Variants in ZNF418 observed in about 807,000 individuals in gnomAD.
ZNF418 encodes the protein zinc finger protein 418.
ZNF418 carries 32 observed loss-of-function variants against 32.0 expected under a neutral mutation model. The observed-to-expected ratio is 1.00, with a 90% CI of 0.75 to 1.34. The LOEUF (loss-of-function observed/expected upper bound fraction) is 1.34. Ranked by LOEUF, ZNF418 falls within the 40% of genes most tolerant of loss-of-function variation. The probability of loss-of-function intolerance (pLI) is 0.00; values close to 1 mark genes in which losing one functional copy is unlikely to be tolerated. For missense variants in ZNF418, 804 were observed against 812.5 expected (o/e 0.99, Z 0.13); for synonymous variants, 276 against 270.7 (o/e 1.02, Z -0.19).
intron 1 of ZNF418, chr19:57,934,235 C>CT: frequency 9.6e-7 from 1 of 1,044,050 alleles, no homozygotes; most frequent in African/African-American, 1.7e-5. Flanking sequence ...CTGTGGGTTC[C>CT]TTTTTTTGAG....
At position 57,935,232 on chromosome 19, in the gene ZNF418, C is replaced by T; in HGVS notation, c.-152G>A. On this transcript the variant is annotated 5_prime_UTR_variant, in exon 1 of 6. Coordinates refer to ENST00000396147, the MANE Select transcript of ZNF418 (RefSeq NM_133460.3). ...GGAAAGCACTGCCGGGAGCGGCGGG[C>T]GCCGTTACGGGGCCTAAGATCTGCC... 2 of 1,224,440 alleles carry T rather than the reference C, an allele frequency of 1.6e-6. No homozygotes were observed. Among genetic ancestry groups the T allele is most frequent in the Non-Finnish European group, 2.1e-6 (2 of 967,458 alleles). The allele number at this position is 1,224,440 out of a possible 1,614,324, so 75.8% of individuals were successfully genotyped here. A position where few individuals can be genotyped will look rare whatever the true frequency, so the allele number is the denominator to read the frequency against.
intron 2 of ZNF418, among the ~76,000 whole-genome samples, chr19:57,931,797 A>G (rs1429059626): frequency 6.6e-6 from 1 of 152,006 alleles, no homozygotes; most frequent in Non-Finnish European, 1.5e-5. Flanking sequence ...GCTGATCTCA[A>G]ACTCCTGGCC....
chr19:57,924,110 C>T (rs2072116763), intron 4 of ZNF418, among the ~76,000 whole-genome samples: 1 of 150,854 alleles, frequency 6.6e-6, no homozygotes, highest in African/African-American at 2.4e-5. Context: ...CACTGTACTC[C>T]AGCCTGGGTC....
rs540460181 is a variant in ZNF418, at chr19:57,928,060, A to T, written c.134-13T>A. ...CCACACCAACAACCTGAAAGCAAGA[A>T]AATGCTGATGAATTCAAGTTAACTC... On this transcript the variant is annotated splice_polypyrimidine_tract_variant and intron_variant, in intron 3 of 5. Coordinates refer to ENST00000396147, the MANE Select transcript of ZNF418 (RefSeq NM_133460.3). 2.0e-6 allele frequency: 3 copies of T among 1,519,546 alleles called. 1 individual carries two copies. In the African/African-American group the frequency reaches 4.2e-5, roughly 21 times the overall value. 94.1% of individuals were successfully genotyped at this position (1,519,546 alleles called of 1,614,324 possible). A position where few individuals can be genotyped will look rare whatever the true frequency, so the allele number is the denominator to read the frequency against.
chr19:57,925,505 A>G (rs964482267), intron 4 of ZNF418, 118 bp downstream of exon 4: 12 of 152,486 alleles, frequency 7.9e-5, no homozygotes, highest in African/African-American at 2.7e-4. Flanking sequence ...AGGTCCCTGA[A>G]AAAGGTAGTC....
In ZNF418 at chr19:57,927,319, A is replaced by G. The variant is rs372254856; in HGVS notation, c.862T>C (p.Cys288Arg). The change falls in exon 4 of 6, where the codon TGT (cysteine) becomes CGT (arginine). Residue 288 changes from cysteine to arginine, a missense_variant. Around this residue, in one of 3 missense-constraint regions of ZNF418, gnomAD observed 22 missense variants for 49.0 expected, o/e 0.45. Coordinates refer to ENST00000396147, the MANE Select transcript of ZNF418 (RefSeq NM_133460.3). The stretch of plus-strand genomic sequence containing the variant: ...CTAAAAGATTTCCCACATTCTCCAC[A>G]TTCATAAGGTCTTTTCCCAGTGTGA... Reference protein sequence around the residue: ...RVHTGKRPYECGECGKSFSHK... With the variant: ...RVHTGKRPYERGECGKSFSHK... The G allele has an allele frequency of 1.9e-6, 3 of 1,614,006 alleles. No individual in the cohort carries two copies. The highest frequency in any genetic ancestry group is 1.3e-5 in the African/African-American group (1 of 74,992).
rs760545199 is a variant in ZNF418, at chr19:57,930,457, A to G, written c.104T>C (p.Leu35Pro). The change falls in exon 3 of 6, where the codon CTG becomes CCG. Residue 35 changes from leucine (L) to proline (P), a missense_variant. By Grantham distance (98) the Leu-to-Pro change is moderately conservative. Around this residue, in one of 3 missense-constraint regions of ZNF418, gnomAD observed 307 missense variants for 304.9 expected, o/e 1.01. Coordinates refer to ENST00000396147, the MANE Select transcript of ZNF418 (RefSeq NM_133460.3). ...GGAGGATATAAGTACCCAGTTCTCC[A>G]GCATCACGTCATGGTAAAGGCATCT... Reference protein sequence around the residue: ...VQRCLYHDVMLENWVLISSLG... With the variant: ...VQRCLYHDVMPENWVLISSLG... 1 of 1,614,202 alleles carries G rather than the reference A, an allele frequency of 6.2e-7. No individual in the cohort carries two copies. Among genetic ancestry groups the G allele is most frequent in the Non-Finnish European group, 8.5e-7 (1 of 1,180,024 alleles).
chr19:57,931,160 A>G (rs972692471), intron 2 of ZNF418, among the ~76,000 whole-genome samples: 2 of 152,166 alleles, frequency 1.3e-5, no homozygotes, highest in African/African-American at 2.4e-5. Context: ...AGCCCAGTGC[A>G]GTTGCCTGGG....
At position 57,925,393 on chromosome 19, in the gene ZNF418, G is replaced by A. The variant is rs1011548132; in HGVS notation, c.*527+230C>T. Among the ~76,000 whole-genome samples, 3 of 151,798 alleles carry A rather than the reference G, an allele frequency of 2.0e-5. No individual in the cohort carries two copies. The East Asian group carries it at 5.8e-4, about 29-fold the overall frequency. On this transcript the variant is annotated intron_variant, in intron 4 of 5. Coordinates refer to ENST00000396147, the MANE Select transcript of ZNF418 (RefSeq NM_133460.3). The stretch of plus-strand genomic sequence containing the variant: ...GGAGAATGGCGTGAACCCGGGAGGC[G>A]GAGCTTGCAGTGAGCTGAGATCACG...
At chr19:57,930,592 C>T (rs913285497) in intron 2 of ZNF418, 38 bp from the exon 3 acceptor site, 3 of 1,612,916 alleles carry the variant, frequency 1.9e-6, no homozygotes, top group Non-Finnish European at 2.5e-6. Context: ...CAAACAGCTC[C>T]TATGCTGAGG....
intron 1 of ZNF418, chr19:57,934,824 T>C (rs929302247): frequency 2.6e-5 from 8 of 312,818 alleles, no homozygotes; most frequent in Middle Eastern, 9.8e-4. Flanking sequence ...TCTTCGAAAC[T>C]CTCCATGGCT....
At chr19:57,928,528 T>C (rs2072343354) in intron 3 of ZNF418, among the ~76,000 whole-genome samples, 1 of 152,058 alleles carries the variant, frequency 6.6e-6, no homozygotes, top group Non-Finnish European at 1.5e-5. Flanking sequence ...CCTCCCAAAG[T>C]GCTGGGATTA....
intron 2 of ZNF418, chr19:57,932,485 CCTT>C (rs2072525157): frequency 6.5e-7 from 1 of 1,535,378 alleles, no homozygotes. Context: ...TCTATGAAGG[CCTT>C]CTTGCATGGC....
At chr19:57,932,189 C>CA (rs1446328819) in intron 2 of ZNF418, among the ~76,000 whole-genome samples, 4 of 152,182 alleles carry the variant, frequency 2.6e-5, no homozygotes, top group Admixed American at 6.5e-5. Flanking sequence ...AAACCCAGTA[C>CA]AAAGTATAAT....
rs558459672 is a variant in ZNF418 at position 57,926,330 on chromosome 19, C to T, written c.1851G>A (p.Lys617=). 3.4e-4 allele frequency: 556 copies of T among 1,611,752 alleles called. 6 individuals are homozygous for T. In the South Asian group the frequency reaches 5.9e-3, roughly 17 times the overall value. Residue 617 remains lysine, a synonymous_variant, in exon 4 of 6, where the codon AAG becomes AAA. Coordinates refer to ENST00000396147, the MANE Select transcript of ZNF418 (RefSeq NM_133460.3). ...TCCCACATTCGCTGCACTCGTAAGG[C>T]TTTCCTCGAGTATGAAGTCTCTGAT... ...FKHQRLHTRG[K]PYECSECGKS... is the part of the protein sequence containing the mutation.
chr19:57,925,539 C>T (rs1237528318), intron 4 of ZNF418, 84 bp downstream of exon 4: 1 of 152,396 alleles, frequency 6.6e-6, no homozygotes, highest in African/African-American at 2.4e-5. Flanking sequence ...TGACAGAAGA[C>T]CCCTCTGGAC....
rs1349787031 is a variant in ZNF418, at chr19:57,922,573, TAC to T, written c.*680_*681del. 2 of 398,392 alleles carry T rather than the reference TAC, an allele frequency of 5.0e-6. No homozygotes were observed. The highest frequency in any genetic ancestry group is 4.4e-5 in the Admixed American group (1 of 22,702). 24.7% of individuals were successfully genotyped at this position (398,392 alleles called of 1,614,324 possible). ...TAATCTTGGGCTGGAGGCAAATGCA[TAC>T]AGTTTACCAAATATGAAAAGGTGAG... On this transcript the variant is annotated 3_prime_UTR_variant, in exon 6 of 6. Transcript: ENST00000396147.
Position 57,926,299 on chromosome 19 carries a change from A to G in ZNF418, c.1882T>C (p.Phe628Leu). ...TCAGTAAGACTGAAGGTTTCAGCAA[A>G]GGATTTCCCACATTCGCTGCACTCG... is the stretch of plus-strand genomic sequence containing the variant. The part of the protein sequence containing the change: ...PYECSECGKS[F>L]AETFSLTEHR... Residue 628 changes from phenylalanine (F) to leucine (L), a missense_variant, in exon 4 of 6, where the codon TTT becomes CTT. Phe to Leu is a conservative substitution (Grantham distance 22, BLOSUM62 0). Around this residue, in one of 3 missense-constraint regions of ZNF418, gnomAD observed 475 missense variants for 458.6 expected, o/e 1.04. Transcript: ENST00000396147. 6.2e-7 allele frequency: 1 copy of G among 1,605,956 alleles called. No individual in the cohort carries two copies. Among genetic ancestry groups the G allele is most frequent in the Non-Finnish European group, 8.5e-7 (1 of 1,174,836 alleles).
At chr19:57,934,596 C>G (rs1013209755) in intron 1 of ZNF418, among the ~76,000 whole-genome samples, 9 of 152,188 alleles carry the variant, frequency 5.9e-5, no homozygotes, top group African/African-American at 2.2e-4. Context: ...ATCTGATAAG[C>G]TCAGGTCTCC....
Sources: gnomAD v4.1 joint callset for allele counts (sites outside exome capture counted in the v4.1 genomes callset) on GRCh38, gnomAD v4.1.1 for gene constraint, gnomAD v4.1.1 regional missense constraint, MANE v1.5 for transcripts, NCBI Gene and HGNC (gene_info 2026-07-23, HGNC 2026-07-21) for gene names.